B4GALT5: variants seen among roughly 807,000 people sequenced by gnomAD.
B4GALT5 encodes beta-1,4-galactosyltransferase 5, also known as UDP-Gal:beta-GlcNAc beta-1,4-galactosyltransferase 5.
A neutral mutation model predicts 45.0 loss-of-function variants in B4GALT5; 11 were observed. That is an observed-to-expected ratio of 0.24 (90% CI 0.15 to 0.40). B4GALT5 has a LOEUF of 0.40. Among genes scored for constraint, B4GALT5 ranks in the 10% least tolerant of loss-of-function variants. B4GALT5 has a pLI of 1.00. For synonymous variants in B4GALT5, 185 were observed against 182.9 expected (o/e 1.01, Z -0.09); for missense variants, 337 against 500.2 (o/e 0.67, Z 3.11).
At position 49,663,690 on chromosome 20, in the gene B4GALT5, A is replaced by AT. The variant is rs1296656944; in HGVS notation, c.116-6989_116-6988insA. On this transcript the variant is annotated intron_variant, in intron 1 of 8. Coordinates refer to ENST00000371711, the MANE Select transcript of B4GALT5 (RefSeq NM_004776.4). Reference sequence around the variant, plus strand: ...TTCATCTCAAGAAAAAAAAAAAAAAAATATATACATATATATATATATATA... The same window carrying AT: ...TTCATCTCAAGAAAAAAAAAAAAAAATATATATACATATATATATATATATA... Among the ~76,000 whole-genome samples, 13 of 96,940 alleles carry AT rather than the reference A, an allele frequency of 1.3e-4. 2 individuals are homozygous for AT. The highest frequency in any genetic ancestry group is 1.1e-3 in the East Asian group (4 of 3,692). 63.6% of individuals were successfully genotyped at this position (96,940 alleles called of 152,430 possible).
intron 5 of B4GALT5, among the ~76,000 whole-genome samples, chr20:49,642,010 A>G: frequency 6.6e-6 from 1 of 152,036 alleles, no homozygotes; most frequent in East Asian, 1.9e-4. Context: ...CTGGTTCCCT[A>G]CCAATATTTT....
chr20:49,711,013 A>AT (rs1253950433), intron 1 of B4GALT5, among the ~76,000 whole-genome samples: 1 of 151,356 alleles, frequency 6.6e-6, no homozygotes, highest in Non-Finnish European at 1.5e-5. Context: ...TGCCCAGGAG[A>AT]TCAAGGCTGC....
intron 1 of B4GALT5, among the ~76,000 whole-genome samples, chr20:49,685,328 T>C (rs867401076): frequency 3.3e-5 from 5 of 152,272 alleles, no homozygotes; most frequent in Middle Eastern, 6.8e-3. Context: ...TCTCAACTCA[T>C]ACCACAAACC....
chr20:49,706,087 G>C (rs949851802), intron 1 of B4GALT5, among the ~76,000 whole-genome samples: 10 of 151,230 alleles, frequency 6.6e-5, no homozygotes, highest in African/African-American at 2.4e-4. Context: ...AGCTACTCAG[G>C]AGGGTGAAGC....
In B4GALT5 at chr20:49,704,632, T is replaced by A. The variant is rs547993136; in HGVS notation, c.115+8944A>T. ...TACTTGGGAGGCTGAGGCAGGAGAA[T>A]GGCGTGAACCCGGGAGGCGGAGCTT... On this transcript the variant is annotated intron_variant, in intron 1 of 8. Transcript: ENST00000371711. Among the ~76,000 whole-genome samples, 169 of 148,584 alleles carry A rather than the reference T, an allele frequency of 1.1e-3. 7 individuals are homozygous for A. In the South Asian group the frequency reaches 0.035, roughly 31 times the overall value.
chr20:49,639,833 G>A, intron 6 of B4GALT5, 33 bp from the exon 7 acceptor site: 1 of 1,608,030 alleles, frequency 6.2e-7, no homozygotes, highest in Non-Finnish European at 8.5e-7. Flanking sequence ...AATCATCTGT[G>A]TGTTACAGGG....
chr20:49,659,864 C>G (rs2085658365), intron 1 of B4GALT5, among the ~76,000 whole-genome samples: 1 of 151,746 alleles, frequency 6.6e-6, no homozygotes, highest in South Asian at 2.1e-4. Context: ...TGCACCTCCA[C>G]CTCCCGGGTT....
intron 1 of B4GALT5, among the ~76,000 whole-genome samples, chr20:49,706,092 T>C (rs1600559341): frequency 6.8e-6 from 1 of 147,370 alleles, no homozygotes; most frequent in Non-Finnish European, 1.5e-5. Context: ...CTCAGGAGGG[T>C]GAAGCAGATT....
At chr20:49,679,036 C>T (rs969682216) in intron 1 of B4GALT5, among the ~76,000 whole-genome samples, 2 of 152,064 alleles carry the variant, frequency 1.3e-5, no homozygotes, top group African/African-American at 2.4e-5. Context: ...AAAGCCAAGA[C>T]CCAAAGTTAA....
At chr20:49,672,069 A>T (rs1178323895) in intron 1 of B4GALT5, among the ~76,000 whole-genome samples, 1 of 152,184 alleles carries the variant, frequency 6.6e-6, no homozygotes, top group Non-Finnish European at 1.5e-5. Context: ...AACTTCATCA[A>T]GCAAGTTTCC....
chr20:49,701,045 T>C lies in B4GALT5; in HGVS notation c.115+12531A>G, dbSNP rs146257304. 6.4e-4 allele frequency among the ~76,000 whole-genome samples: 98 copies of C among 152,322 alleles called. 1 individual carries two copies. The East Asian group carries it at 0.016, about 25-fold the overall frequency. ...ATAAAATCACCCAAAACTAAAAATT[T>C]ACTAAAGTGAAGCATGCTCCTTAGA... On this transcript the variant is annotated intron_variant, in intron 1 of 8. Coordinates refer to ENST00000371711, the MANE Select transcript of B4GALT5 (RefSeq NM_004776.4).
At chr20:49,713,036 G>C (rs1263608637) in intron 1 of B4GALT5, among the ~76,000 whole-genome samples, 1 of 151,554 alleles carries the variant, frequency 6.6e-6, no homozygotes, top group Non-Finnish European at 1.5e-5. Context: ...AGGGGAGGGA[G>C]GGGGCTCACG....
chr20:49,645,933 G>A (rs1042567185), intron 3 of B4GALT5, among the ~76,000 whole-genome samples: 34 of 151,674 alleles, frequency 2.2e-4, no homozygotes, highest in Admixed American at 6.6e-4. Flanking sequence ...ATGGCACACT[G>A]CAGCGTGTTG....
chr20:49,712,968 A>G (rs2085923670), intron 1 of B4GALT5, among the ~76,000 whole-genome samples: 1 of 151,282 alleles, frequency 6.6e-6, no homozygotes, highest in Non-Finnish European at 1.5e-5. Context: ...TGAAGAGGTG[A>G]ACGTGAGTTA....
intron 2 of B4GALT5, 125 bp from the exon 3 acceptor site, chr20:49,647,203 A>C: frequency 1.7e-6 from 1 of 596,724 alleles, no homozygotes. Context: ...AGGACTCTGG[A>C]CTACCGCTTT....
chr20:49,702,521 T>C (rs557392568), intron 1 of B4GALT5, among the ~76,000 whole-genome samples: 8 of 152,310 alleles, frequency 5.3e-5, no homozygotes, highest in African/African-American at 1.7e-4. Context: ...TTGTAAATCA[T>C]GTATCTGATA....
intron 2 of B4GALT5, among the ~76,000 whole-genome samples, chr20:49,649,724 T>C (rs529099964): frequency 2.6e-5 from 4 of 152,352 alleles, no homozygotes; most frequent in East Asian, 1.9e-4. Flanking sequence ...CAAAAATCTA[T>C]GTGAAGAACC....
chr20:49,701,573 T>C (rs766143122), intron 1 of B4GALT5, among the ~76,000 whole-genome samples: 17 of 152,170 alleles, frequency 1.1e-4, no homozygotes, highest in Non-Finnish European at 1.9e-4. Flanking sequence ...ACCCTGTGCC[T>C]GTGTTGTGGA....
At chr20:49,691,188 G>A (rs1485316798) in intron 1 of B4GALT5, among the ~76,000 whole-genome samples, 1 of 152,048 alleles carries the variant, frequency 6.6e-6, no homozygotes, top group Non-Finnish European at 1.5e-5. Context: ...GACGGTGCGG[G>A]GCAATCAGCC....
Sources: allele counts gnomAD v4.1 joint callset (sites outside exome capture counted in the v4.1 genomes callset), GRCh38; gene constraint gnomAD v4.1.1; transcripts MANE v1.5; gene names NCBI Gene and HGNC (gene_info 2026-07-23, HGNC 2026-07-21).